YAP1: variants seen among roughly 807,000 people sequenced by gnomAD.
YAP1 encodes the protein Yes1 associated transcriptional regulator.
Under a neutral mutation model 56.9 loss-of-function variants are expected in YAP1, and 5 were observed. The ratio of observed to expected loss-of-function variants is 0.09; its 90% CI spans 0.05 to 0.18. The LOEUF (loss-of-function observed/expected upper bound fraction) is 0.18, where lower values mean the gene tolerates loss of function less well. Among genes scored for constraint, YAP1 ranks in the 10% least tolerant of loss-of-function variants. YAP1 has a pLI of 1.00. For missense variants in YAP1, 539 were observed against 651.8 expected (o/e 0.83, Z 1.88); for synonymous variants, 265 against 248.1 (o/e 1.07, Z -0.64).
chr11:102,146,380 A>C (rs1418568864), intron 2 of YAP1, among the ~76,000 whole-genome samples: 2 of 152,184 alleles, frequency 1.3e-5, no homozygotes, highest in African/African-American at 4.8e-5. Context: ...TGCCTGTGAG[A>C]CACCACCAAT....
At chr11:102,126,558 C>T (rs1944048356) in intron 2 of YAP1, among the ~76,000 whole-genome samples, 1 of 152,208 alleles carries the variant, frequency 6.6e-6, no homozygotes, top group African/African-American at 2.4e-5. Context: ...CGCCATGATT[C>T]TGAGGCCTCC....
chr11:102,228,146 C>T (rs1047375630), intron 8 of YAP1, among the ~76,000 whole-genome samples: 7 of 151,972 alleles, frequency 4.6e-5, no homozygotes, highest in Non-Finnish European at 7.4e-5. Flanking sequence ...TCTTAATTGG[C>T]AGGACAAACT....
intron 4 of YAP1, among the ~76,000 whole-genome samples, chr11:102,201,291 A>G (rs780268821): frequency 6.6e-6 from 1 of 152,236 alleles, no homozygotes; most frequent in Non-Finnish European, 1.5e-5. Flanking sequence ...GGAAGGAAGT[A>G]TGCATAGTAT....
intron 7 of YAP1, 72 bp from the exon 8 acceptor site, chr11:102,227,397 A>C (rs927578501): frequency 3.1e-6 from 3 of 975,036 alleles, no homozygotes; most frequent in Middle Eastern, 2.4e-4. Flanking sequence ...GCTGCTCAGC[A>C]GGTGTTTATT....
chr11:102,112,531 C>T (rs886508360), intron 1 of YAP1: 1 of 984,216 alleles, frequency 1.0e-6, no homozygotes, highest in Non-Finnish European at 1.2e-6. Flanking sequence ...GTAGTTAGCC[C>T]ACTCGGGATG....
At chr11:102,210,325 G>A (rs926630880) in intron 6 of YAP1, among the ~76,000 whole-genome samples, 1 of 152,202 alleles carries the variant, frequency 6.6e-6, no homozygotes, top group African/African-American at 2.4e-5. Flanking sequence ...ACCATATAAT[G>A]CCTCACCTTC....
At chr11:102,163,436 T>C (rs1946415373) in intron 3 of YAP1, among the ~76,000 whole-genome samples, 1 of 152,142 alleles carries the variant, frequency 6.6e-6, no homozygotes, top group Admixed American at 6.5e-5. Flanking sequence ...TTTGTACATA[T>C]TAGGAAAAGG....
chr11:102,169,945 TTTTG>T, intron 3 of YAP1, among the ~76,000 whole-genome samples: 1 of 152,226 alleles, frequency 6.6e-6, no homozygotes, highest in African/African-American at 2.4e-5. Flanking sequence ...AATTTTTTCT[TTTTG>T]AAATAAAAAA....
At chr11:102,159,345 C>T (rs1700324153) in intron 2 of YAP1, among the ~76,000 whole-genome samples, 1 of 152,204 alleles carries the variant, frequency 6.6e-6, no homozygotes, top group African/African-American at 2.4e-5. Flanking sequence ...TTAATTCTTT[C>T]CCTAAGCTGA....
At chr11:102,126,255 A>G (rs867568207) in intron 2 of YAP1, among the ~76,000 whole-genome samples, 1 of 152,136 alleles carries the variant, frequency 6.6e-6, no homozygotes, top group Non-Finnish European at 1.5e-5. Context: ...ACTATTAGCA[A>G]TTTTTTATGA....
chr11:102,141,618 CAGAAT>C (rs1261303938), intron 2 of YAP1, among the ~76,000 whole-genome samples: 1 of 152,170 alleles, frequency 6.6e-6, no homozygotes, highest in Non-Finnish European at 1.5e-5. Context: ...TAAGAATAGA[CAGAAT>C]AGGATTTTAT....
intron 8 of YAP1, among the ~76,000 whole-genome samples, chr11:102,228,968 A>T (rs189440203): frequency 6.6e-6 from 1 of 152,314 alleles, no homozygotes; most frequent in African/African-American, 2.4e-5. Flanking sequence ...CTTAGGAGCC[A>T]CTTCAAACCC....
chr11:102,167,882 A>C (rs980336345), intron 3 of YAP1, among the ~76,000 whole-genome samples: 1 of 152,156 alleles, frequency 6.6e-6, no homozygotes. Flanking sequence ...TATTAAAAAT[A>C]AAAATAAAAA....
At chr11:102,141,414 G>C (rs917361320) in intron 2 of YAP1, among the ~76,000 whole-genome samples, 4 of 152,206 alleles carry the variant, frequency 2.6e-5, no homozygotes, top group Admixed American at 1.3e-4. Flanking sequence ...TGAGAGCAAT[G>C]CAGTCCCTGT....
chr11:102,191,123 A>G (rs569651395), intron 4 of YAP1, among the ~76,000 whole-genome samples: 7 of 152,076 alleles, frequency 4.6e-5, no homozygotes, highest in Admixed American at 1.3e-4. Flanking sequence ...CAGTGAGCCC[A>G]AGATCGCACC....
At chr11:102,220,324 C>G (rs182070152) in intron 6 of YAP1, among the ~76,000 whole-genome samples, 1 of 151,994 alleles carries the variant, frequency 6.6e-6, no homozygotes, top group Non-Finnish European at 1.5e-5. Context: ...CAAAACAAAA[C>G]AAAAAAACCA....
At chr11:102,188,018 C>A (rs950342282) in intron 4 of YAP1, among the ~76,000 whole-genome samples, 7 of 152,062 alleles carry the variant, frequency 4.6e-5, no homozygotes, top group Non-Finnish European at 8.8e-5. Flanking sequence ...TCAAGTGTAA[C>A]TGAAGGGGGG....
chr11:102,191,994 G>A (rs1347487359), intron 4 of YAP1, among the ~76,000 whole-genome samples: 1 of 152,108 alleles, frequency 6.6e-6, no homozygotes, highest in Non-Finnish European at 1.5e-5. Context: ...TTACGTAAGA[G>A]AATTTAAGAT....
At chr11:102,200,147 G>C (rs1307088098) in intron 4 of YAP1, among the ~76,000 whole-genome samples, 1 of 152,046 alleles carries the variant, frequency 6.6e-6, no homozygotes, top group Non-Finnish European at 1.5e-5. Context: ...CAGTACTGCC[G>C]TACTAGTATA....
Sources: gnomAD v4.1 joint callset for allele counts (sites outside exome capture counted in the v4.1 genomes callset) on GRCh38, gnomAD v4.1.1 for gene constraint, MANE v1.5 for transcripts, NCBI Gene and HGNC (gene_info 2026-07-23, HGNC 2026-07-21) for gene names.